The following RNF214 variants were observed in gnomAD, a reference collection of about 807,000 sequenced individuals.
RNF214 encodes the protein ring finger protein 214.
Under a neutral mutation model 75.9 loss-of-function variants are expected in RNF214, and 25 were observed. The ratio of observed to expected loss-of-function variants is 0.33; its 90% CI spans 0.24 to 0.46. The LOEUF (loss-of-function observed/expected upper bound fraction) is 0.46. Among genes scored for constraint, RNF214 ranks in the 20% least tolerant of loss-of-function variants. The pLI is 1.00. For missense variants in RNF214, 725 were observed against 857.5 expected, an observed-to-expected ratio of 0.85 and a Z score of 1.93; for synonymous variants, 314 against 308.8, an observed-to-expected ratio of 1.02 and a Z score of -0.18.
At chr11:117,250,613 T>A (rs901351891) in intron 6 of RNF214, among the ~76,000 whole-genome samples, 6 of 149,910 alleles carry the variant, frequency 4.0e-5, no homozygotes, top group Non-Finnish European at 8.9e-5. Context: ...TTATTTATTT[T>A]TTTTTTAATT....
At chr11:117,265,839 A>G (rs566173085) in intron 6 of RNF214, among the ~76,000 whole-genome samples, 24 of 152,338 alleles carry the variant, frequency 1.6e-4, no homozygotes, top group African/African-American at 5.3e-4. Context: ...CGCCAACACA[A>G]TCAAGGTATA....
chr11:117,248,648 A>G (rs1260929561), intron 6 of RNF214, among the ~76,000 whole-genome samples: 1 of 152,136 alleles, frequency 6.6e-6, no homozygotes, highest in Non-Finnish European at 1.5e-5. Flanking sequence ...GTGATACTGA[A>G]TGATTAGAAG....
intron 6 of RNF214, among the ~76,000 whole-genome samples, chr11:117,270,944 T>TAGAGTGC (rs1376664801): frequency 1.3e-5 from 2 of 152,070 alleles, no homozygotes; most frequent in Non-Finnish European, 2.9e-5. Context: ...TCCCCCAGGC[T>TAGAGTGC]AGAGTGCAGT....
chr11:117,234,168 C>A, intron 1 of RNF214, 99 bp from the exon 2 acceptor site: 2 of 840,864 alleles, frequency 2.4e-6, no homozygotes, highest in Non-Finnish European at 2.0e-6. Context: ...TGTTTCTTTA[C>A]TGCGACAGCT....
At chr11:117,268,347 C>G (rs1356390281) in intron 6 of RNF214, among the ~76,000 whole-genome samples, 2 of 152,174 alleles carry the variant, frequency 1.3e-5, no homozygotes, top group Admixed American at 1.3e-4. Context: ...AGATGGCTCC[C>G]AGGTCCTTGA....
Position 117,246,806 on chromosome 11 carries a change from C to G in RNF214, c.820-3C>G. ...TGTGCGACTGTAATTGTGTGGAACTCAGGAGATATTAAAGGCTATTCAGGA... is the reference window on the plus strand; with the variant it reads ...TGTGCGACTGTAATTGTGTGGAACTGAGGAGATATTAAAGGCTATTCAGGA... On this transcript the variant is annotated splice_polypyrimidine_tract_variant and splice_region_variant and intron_variant, in intron 5 of 14. Transcript: ENST00000300650. 1 of 1,576,448 alleles carries G rather than the reference C, an allele frequency of 6.3e-7. No individual in the cohort carries two copies. Among genetic ancestry groups the G allele is most frequent in the Non-Finnish European group, 8.6e-7 (1 of 1,160,972 alleles).
intron 4 of RNF214, 85 bp downstream of exon 4, chr11:117,239,945 A>C: frequency 1.4e-6 from 1 of 731,906 alleles, no homozygotes; most frequent in South Asian, 1.6e-5. Context: ...GAAAAGGTGC[A>C]GGAGTCCCTT....
At position 117,238,624 on chromosome 11, in the gene RNF214, A is replaced by C. The variant is rs533703575; in HGVS notation, c.131A>C (p.Gln44Pro). 3.1e-6 allele frequency: 5 copies of C among 1,613,592 alleles called. No homozygotes were observed. The African/African-American group carries it at 4.0e-5, about 13-fold the overall frequency. ...AGCACCAAAGACTCTGCACAGAAGC[A>C]GAAGAACTCGCCTCTGTTGAGTGTA... The part of the protein sequence containing the change: ...GLSTKDSAQK[Q>P]KNSPLLSVSS... The change falls in exon 3 of 15, where the codon CAG (glutamine) becomes CCG (proline). Residue 44 changes from glutamine to proline, a missense_variant. By Grantham distance (76) the Gln-to-Pro change is moderately conservative (BLOSUM62 -1). Around this residue, in one of 2 missense-constraint regions of RNF214, gnomAD observed 362 missense variants for 344.5 expected, o/e 1.05. Transcript: ENST00000300650.
chr11:117,281,013 G>A (rs2034116765), intron 8 of RNF214, among the ~76,000 whole-genome samples: 1 of 143,988 alleles, frequency 6.9e-6, no homozygotes, highest in African/African-American at 2.6e-5. Flanking sequence ...TAATGACAGG[G>A]TCTCCCTCTG....
intron 5 of RNF214, among the ~76,000 whole-genome samples, chr11:117,246,278 T>C (rs1475621539): frequency 1.3e-5 from 2 of 150,224 alleles, no homozygotes; most frequent in African/African-American, 4.9e-5. Context: ...TGACTTCTTA[T>C]TTAAAAAAAA....
chr11:117,237,468 A>G (rs2032941420), intron 2 of RNF214, among the ~76,000 whole-genome samples: 1 of 152,192 alleles, frequency 6.6e-6, no homozygotes, highest in African/African-American at 2.4e-5. Context: ...CTAGTTGGGT[A>G]TGGTTAAGAG....
Position 117,234,341 on chromosome 11 carries a change from T to C in RNF214, c.69T>C (p.Cys23=). The change falls in exon 2 of 15, where the codon TGT becomes TGC. Residue 23 remains cysteine (C), a synonymous_variant. Transcript: ENST00000300650. ...APSPPESSSL[C]ASKSDEGLPD... ...GTCCTCCGGAATCTTCTAGTTTATG[T>C]GCTTCCAAATCAGACGAAGGTCTCC... The C allele has an allele frequency of 6.2e-7, 1 of 1,614,180 alleles. No homozygotes were observed. The highest frequency in any genetic ancestry group is 1.1e-5 in the South Asian group (1 of 91,082).
chr11:117,252,026 G>A (rs564955762), intron 6 of RNF214, among the ~76,000 whole-genome samples: 4 of 151,948 alleles, frequency 2.6e-5, no homozygotes, highest in Admixed American at 6.6e-5. Context: ...GTGCCACCAC[G>A]CCCGACTAAT....
At chr11:117,254,913 A>G (rs2033483758) in intron 6 of RNF214, among the ~76,000 whole-genome samples, 1 of 152,176 alleles carries the variant, frequency 6.6e-6, no homozygotes, top group Admixed American at 6.6e-5. Context: ...GGCTTGAGCC[A>G]CTGCGCCTAG....
At chr11:117,246,043 G>A (rs1591821276) in intron 5 of RNF214, among the ~76,000 whole-genome samples, 1 of 152,012 alleles carries the variant, frequency 6.6e-6, no homozygotes, top group Non-Finnish European at 1.5e-5. Flanking sequence ...AAGGCTCACC[G>A]TATCTTTGAC....
chr11:117,236,501 C>T (rs933607105), intron 2 of RNF214, among the ~76,000 whole-genome samples: 1 of 151,570 alleles, frequency 6.6e-6, no homozygotes. Flanking sequence ...CTCGATCTTC[C>T]GACCTTGTGA....
At chr11:117,280,114 AG>A (rs763953894) in intron 7 of RNF214, 56 bp from the exon 8 acceptor site, 6 of 1,502,180 alleles carry the variant, frequency 4.0e-6, no homozygotes, top group Non-Finnish European at 5.5e-6. Flanking sequence ...CACTACCTAG[AG>A]GTACCTTTGT....
chr11:117,269,844 C>T (rs1461488536), intron 6 of RNF214, among the ~76,000 whole-genome samples: 1 of 152,128 alleles, frequency 6.6e-6, no homozygotes, highest in Non-Finnish European at 1.5e-5. Flanking sequence ...GGGCTATGTC[C>T]AGAAAATGTC....
rs573527101 is a variant in RNF214, at chr11:117,233,582, C to T, written c.-6-685C>T. Among the ~76,000 whole-genome samples, 6 of 152,300 alleles carry T rather than the reference C, an allele frequency of 3.9e-5. No homozygotes were observed. The South Asian group carries it at 8.3e-4, about 21-fold the overall frequency. On this transcript the variant is annotated intron_variant, in intron 1 of 14. Coordinates refer to ENST00000300650, the MANE Select transcript of RNF214 (RefSeq NM_207343.4). The stretch of plus-strand genomic sequence containing the variant: ...ATGACCTTTTGATTTTTAAAAAAGG[C>T]GTCCGTCCCAGTTCCCTTACTTGTG...
Sources: gnomAD v4.1 joint callset for allele counts (sites outside exome capture counted in the v4.1 genomes callset) on GRCh38, gnomAD v4.1.1 for gene constraint, gnomAD v4.1.1 regional missense constraint, MANE v1.5 for transcripts, NCBI Gene and HGNC (gene_info 2026-07-23, HGNC 2026-07-21) for gene names.